Variants in FGF14 observed in about 807,000 individuals in gnomAD.
FGF14 encodes the protein fibroblast growth factor 14, also known as fibroblast growth factor homologous factor 4.
FGF14 carries 5 observed loss-of-function variants against 25.5 expected under a neutral mutation model. That is an observed-to-expected ratio of 0.20 (90% CI 0.10 to 0.41). FGF14 has a LOEUF of 0.41. Among genes scored for constraint, FGF14 ranks in the 10% least tolerant of loss-of-function variants. The pLI, the probability that FGF14 is intolerant of heterozygous loss-of-function variation, is 1.00. For missense variants in FGF14, 222 were observed against 320.1 expected, an observed-to-expected ratio of 0.69 and a Z score of 2.34; for synonymous variants, 138 against 118.3, an observed-to-expected ratio of 1.17 and a Z score of -1.08.
intron 1 of FGF14, among the ~76,000 whole-genome samples, chr13:102,045,010 T>A (rs371405156): frequency 1.3e-5 from 2 of 152,292 alleles, no homozygotes; most frequent in South Asian, 4.1e-4. Context: ...CAAAAACATG[T>A]GTCTATAACC....
intron 1 of FGF14, among the ~76,000 whole-genome samples, chr13:101,997,857 C>G (rs115299604): frequency 0.056 from 8,505 of 152,138 alleles, 280 homozygotes; most frequent in Middle Eastern, 0.085. Flanking sequence ...TCTTTCTTAT[C>G]TTTAGTTTTT....
chr13:101,803,876 T>C (rs1237241329), intron 3 of FGF14, among the ~76,000 whole-genome samples: 1 of 152,050 alleles, frequency 6.6e-6, no homozygotes, highest in Admixed American at 6.5e-5. Flanking sequence ...AACTTCTGAG[T>C]AGGCAGTTGA....
At chr13:101,919,865 G>A (rs968519996), upstream of FGF14, among the ~76,000 whole-genome samples, 11 of 151,276 alleles carry the variant, frequency 7.3e-5, no homozygotes, top group African/African-American at 2.7e-4. Flanking sequence ...TTTCTCGAGC[G>A]TCCCGACCCC....
At position 101,712,692 on chromosome 13, in the gene FGF14, T is replaced by A. The variant is rs1233890414; in HGVS notation, c.*10139A>T. 3.9e-5 allele frequency: 6 copies of A among 152,302 alleles called. No homozygotes were observed. The South Asian group carries it at 1.0e-3, about 26-fold the overall frequency. 9.4% of individuals were successfully genotyped at this position (152,302 alleles called of 1,614,324 possible). A position where few individuals can be genotyped will look rare whatever the true frequency, so the allele number is the denominator to read the frequency against. Reference sequence around the variant, plus strand: ...CCTTTCGAGGAAACTTCTCTGATAGTCAATGAAATACTCCATGTGGTCTTT... The same window carrying A: ...CCTTTCGAGGAAACTTCTCTGATAGACAATGAAATACTCCATGTGGTCTTT... On this transcript the variant is annotated 3_prime_UTR_variant, in exon 5 of 5. Coordinates refer to ENST00000376143, the MANE Select transcript of FGF14 (RefSeq NM_004115.4).
In FGF14 at chr13:102,099,797, G is replaced by A. The variant is rs141326836; in HGVS notation, c.209-224501C>T. ...TTAATAAAATTCTTAATAATTATTT[G>A]TCAGTAATATTAATAAAATAATAAT... On this transcript the variant is annotated intron_variant, in intron 1 of 4. Coordinates refer to the FGF14 transcript ENST00000376131. 4.7e-3 allele frequency among the ~76,000 whole-genome samples: 711 copies of A among 152,002 alleles called. 13 individuals are homozygous for A. The highest frequency in any genetic ancestry group is 0.016 in the African/African-American group (673 of 41,470).
chr13:102,252,012 A>C (rs1454778625), intron 1 of FGF14, among the ~76,000 whole-genome samples: 1 of 152,228 alleles, frequency 6.6e-6, no homozygotes, highest in African/African-American at 2.4e-5. Context: ...ATGCTGTACC[A>C]GTCCAGTCAC....
intron 1 of FGF14, among the ~76,000 whole-genome samples, chr13:102,277,550 G>A (rs968151241): frequency 6.6e-6 from 1 of 152,180 alleles, no homozygotes; most frequent in Non-Finnish European, 1.5e-5. Context: ...ACCTGGAGGA[G>A]CTCCAGGCAG....
chr13:102,370,721 T>A lies in FGF14; in HGVS notation c.208+30750A>T, dbSNP rs189954790. On this transcript the variant is annotated intron_variant, in intron 1 of 4. Transcript: ENST00000376131. ...ATCCTGTTATTCTTATAATACCGAC[T>A]AGATTTGTCAAAATAATAATGAAGT... 1.3e-3 allele frequency among the ~76,000 whole-genome samples: 194 copies of A among 152,304 alleles called. 1 individual carries two copies. The highest frequency in any genetic ancestry group is 0.011 in the Admixed American group (167 of 15,296).
intron 3 of FGF14, among the ~76,000 whole-genome samples, chr13:101,732,673 A>G (rs1158973659): frequency 2.0e-5 from 3 of 152,170 alleles, no homozygotes; most frequent in Admixed American, 6.5e-5. Flanking sequence ...AAGATAAGAG[A>G]GGTGAAAAAT....
chr13:102,035,454 T>C (rs1196231775), intron 1 of FGF14, among the ~76,000 whole-genome samples: 1 of 152,120 alleles, frequency 6.6e-6, no homozygotes, highest in Non-Finnish European at 1.5e-5. Flanking sequence ...CTACTTGCTC[T>C]TGGGCTCTAG....
chr13:101,730,887 AT>A (rs951707975), intron 3 of FGF14, among the ~76,000 whole-genome samples: 1 of 152,156 alleles, frequency 6.6e-6, no homozygotes, highest in Admixed American at 6.5e-5. Context: ...AGAAGCAATG[AT>A]TTTTTTAAAA....
intron 1 of FGF14, among the ~76,000 whole-genome samples, chr13:102,216,457 G>A (rs757500601): frequency 2.6e-5 from 4 of 152,094 alleles, no homozygotes; most frequent in African/African-American, 9.7e-5. Flanking sequence ...CACATCACGC[G>A]GTATTCTAAG....
At chr13:102,169,327 C>A (rs987307723) in intron 1 of FGF14, among the ~76,000 whole-genome samples, 1 of 152,116 alleles carries the variant, frequency 6.6e-6, no homozygotes, top group African/African-American at 2.4e-5. Flanking sequence ...CCACCTAACA[C>A]CTGGTTATCC....
At position 102,240,410 on chromosome 13, in the gene FGF14, T is replaced by C. The variant is rs144869371; in HGVS notation, c.208+161061A>G. ...CTCTGCAAAGCATGCTTTCCTTGCC[T>C]ACCTCTACTGTTAACATTGCTCAAC... On this transcript the variant is annotated intron_variant, in intron 1 of 4. Transcript: ENST00000376131. 5.6e-3 allele frequency among the ~76,000 whole-genome samples: 858 copies of C among 152,334 alleles called. 5 individuals are homozygous for C. The highest frequency in any genetic ancestry group is 0.01 in the Middle Eastern group (3 of 294).
chr13:101,973,845 C>CA (rs1379445078), intron 1 of FGF14, among the ~76,000 whole-genome samples: 1 of 152,198 alleles, frequency 6.6e-6, no homozygotes, highest in African/African-American at 2.4e-5. Context: ...TCAATCCAAT[C>CA]AAGTTGACAC....
chr13:102,288,246 TCA>T (rs2054202972), intron 1 of FGF14, among the ~76,000 whole-genome samples: 1 of 152,202 alleles, frequency 6.6e-6, no homozygotes, highest in African/African-American at 2.4e-5. Context: ...AAACAACTTG[TCA>T]CAACTAACAA....
intron 1 of FGF14, among the ~76,000 whole-genome samples, chr13:102,263,512 T>A (rs772719413): frequency 3.9e-5 from 6 of 152,210 alleles, no homozygotes; most frequent in African/African-American, 7.2e-5. Context: ...AGAGAGATTA[T>A]GAAGTAATTC....
At chr13:101,764,860 A>T (rs769868345) in intron 3 of FGF14, among the ~76,000 whole-genome samples, 3 of 152,244 alleles carry the variant, frequency 2.0e-5, no homozygotes, top group Non-Finnish European at 4.4e-5. Context: ...AACAGCTTGT[A>T]TGGAGTTGAA....
At chr13:101,954,130 A>C (rs1398312563) in intron 1 of FGF14, among the ~76,000 whole-genome samples, 1 of 152,202 alleles carries the variant, frequency 6.6e-6, no homozygotes, top group African/African-American at 2.4e-5. Flanking sequence ...TTACTGCTCC[A>C]TGGTCAGTGT....
Sources: allele counts gnomAD v4.1 joint callset (sites outside exome capture counted in the v4.1 genomes callset), GRCh38; gene constraint gnomAD v4.1.1; transcripts MANE v1.5; gene names NCBI Gene and HGNC (gene_info 2026-07-23, HGNC 2026-07-21).